The following ZNF827 variants were observed in gnomAD, a reference collection of about 807,000 sequenced individuals.
ZNF827 encodes the protein zinc finger protein 827.
In ZNF827, 13 loss-of-function variants were observed where a neutral mutation model predicts 102.4. That is an observed-to-expected ratio of 0.13 (90% CI 0.08 to 0.20). ZNF827 has a LOEUF of 0.20. ZNF827 is among the 10% of genes least tolerant of loss of function. The pLI is 1.00. For synonymous variants in ZNF827, 523 were observed against 536.2 expected (o/e 0.98, Z 0.34); for missense variants, 1,103 against 1,344.4 (o/e 0.82, Z 2.81).
intron 8 of ZNF827, among the ~76,000 whole-genome samples, chr4:145,788,062 G>C (rs939836659): frequency 2.0e-5 from 3 of 152,186 alleles, no homozygotes; most frequent in African/African-American, 7.2e-5. Context: ...AGCAGAGACA[G>C]ACCCACAGTC....
chr4:145,897,534 T>C (rs1370850791), intron 2 of ZNF827, among the ~76,000 whole-genome samples: 1 of 152,242 alleles, frequency 6.6e-6, no homozygotes, highest in East Asian at 1.9e-4. Context: ...GATGACGACC[T>C]ATCTTCCTTC....
chr4:145,802,183 C>T (rs1307225477), intron 8 of ZNF827, among the ~76,000 whole-genome samples: 1 of 152,158 alleles, frequency 6.6e-6, no homozygotes, highest in Non-Finnish European at 1.5e-5. Context: ...CTCTTTCCTC[C>T]CACTTAAATT....
intron 4 of ZNF827, among the ~76,000 whole-genome samples, chr4:145,883,537 T>C (rs1749855429): frequency 6.6e-6 from 1 of 152,192 alleles, no homozygotes; most frequent in Non-Finnish European, 1.5e-5. Flanking sequence ...CTCCCTGAGA[T>C]TGGGTCTAGA....
At chr4:145,812,965 A>T (rs886568096) in intron 8 of ZNF827, among the ~76,000 whole-genome samples, 1 of 152,168 alleles carries the variant, frequency 6.6e-6, no homozygotes, top group African/African-American at 2.4e-5. Flanking sequence ...ACAAATAAAC[A>T]TTTCATAAGT....
At chr4:145,798,053 C>T (rs1008247246) in intron 8 of ZNF827, among the ~76,000 whole-genome samples, 5 of 152,140 alleles carry the variant, frequency 3.3e-5, no homozygotes, top group African/African-American at 1.2e-4. Context: ...GTTGTGAGGA[C>T]CAAAGGGACT....
At chr4:145,908,507 A>C (rs1318546097) in intron 1 of ZNF827, among the ~76,000 whole-genome samples, 2 of 152,128 alleles carry the variant, frequency 1.3e-5, no homozygotes, top group African/African-American at 2.4e-5. Context: ...CTACTAATAC[A>C]CTTCTATAGC....
chr4:145,906,360 T>A (rs559517357), intron 1 of ZNF827, among the ~76,000 whole-genome samples: 1 of 152,240 alleles, frequency 6.6e-6, no homozygotes, highest in Non-Finnish European at 1.5e-5. Flanking sequence ...TTGAGATAAA[T>A]CATTAAGAGG....
chr4:145,901,228 T>A (rs1473692519), intron 2 of ZNF827, among the ~76,000 whole-genome samples: 1 of 152,202 alleles, frequency 6.6e-6, no homozygotes. Context: ...CCGATGAGGA[T>A]GCACATAGCC....
chr4:145,762,308 C>T lies in ZNF827; in HGVS notation c.*18-710G>A, dbSNP rs540093279. Among the ~76,000 whole-genome samples, 2 of 152,224 alleles carry T rather than the reference C, an allele frequency of 1.3e-5. No individual in the cohort carries two copies. Among genetic ancestry groups the T allele is most frequent in the South Asian group, 2.1e-4 (1 of 4,820 alleles). ...GGCATGGGAGGAGAAGGAAGCCCAC[C>T]CAACGGCCCATCTGCTAATGAGGAA... On this transcript the variant is annotated intron_variant, in intron 14 of 14. Transcript: ENST00000508784. This position sits in a 1 kb window ranked among gnomAD's most constrained non-coding sequence, Gnocchi z 4.9.
At chr4:145,937,278 C>A (rs1277020895) in intron 1 of ZNF827, among the ~76,000 whole-genome samples, 2 of 151,796 alleles carry the variant, frequency 1.3e-5, no homozygotes, top group East Asian at 3.9e-4. Flanking sequence ...GTGTGTGTCT[C>A]CAGTTGGCGT....
At chr4:145,804,652 C>T (rs1007659339) in intron 8 of ZNF827, among the ~76,000 whole-genome samples, 2 of 152,172 alleles carry the variant, frequency 1.3e-5, no homozygotes, top group African/African-American at 4.8e-5. Flanking sequence ...TCATCTTGAA[C>T]CTGAACCCTT....
At chr4:145,854,949 G>C (rs1746916446) in intron 5 of ZNF827, among the ~76,000 whole-genome samples, 1 of 152,146 alleles carries the variant, frequency 6.6e-6, no homozygotes. Flanking sequence ...CTTAGTTCTT[G>C]TTCATCTTTC....
At chr4:145,842,560 A>T (rs1745522553) in intron 7 of ZNF827, among the ~76,000 whole-genome samples, 1 of 152,150 alleles carries the variant, frequency 6.6e-6, no homozygotes, top group Non-Finnish European at 1.5e-5. Context: ...TTGTGAGGGA[A>T]GCTGTGGGTT....
chr4:145,926,671 TTTAA>T (rs1416727935), intron 1 of ZNF827, among the ~76,000 whole-genome samples: 3 of 152,146 alleles, frequency 2.0e-5, no homozygotes, highest in Non-Finnish European at 2.9e-5. Context: ...ATCGCATGAG[TTTAA>T]TTATTTATAC....
intron 7 of ZNF827, among the ~76,000 whole-genome samples, chr4:145,835,491 C>T (rs1744730611): frequency 2.0e-5 from 3 of 150,638 alleles, no homozygotes; most frequent in African/African-American, 7.4e-5. Flanking sequence ...TCCCCACCTG[C>T]CCAGTTCCCT....
chr4:145,872,941 TTTTC>T (rs1456790251), intron 4 of ZNF827, among the ~76,000 whole-genome samples: 2 of 144,508 alleles, frequency 1.4e-5, no homozygotes, highest in Non-Finnish European at 1.5e-5. Flanking sequence ...TTTTTTTTTC[TTTTC>T]TTTTTTTTTT....
chr4:145,779,251 T>C, intron 9 of ZNF827, 123 bp downstream of exon 9: 2 of 1,317,598 alleles, frequency 1.5e-6, no homozygotes, highest in African/African-American at 1.5e-5. Context: ...GAAAATGGCT[T>C]GAAAAGGTCA....
In ZNF827 at chr4:145,762,964, C is replaced by T. The variant is rs1560884320; in HGVS notation, c.*17+126G>A. The T allele has an allele frequency of 2.2e-6, 2 of 895,950 alleles. No homozygotes were observed. Among genetic ancestry groups the T allele is most frequent in the South Asian group, 1.7e-5 (1 of 59,966 alleles). The allele number at this position is 895,950 out of a possible 1,614,324, so 55.5% of individuals were successfully genotyped here. On this transcript the variant is annotated intron_variant, in intron 14 of 14. Coordinates refer to ENST00000508784, the MANE Select transcript of ZNF827 (RefSeq NM_001306215.2). This position sits in a 1 kb window ranked among gnomAD's most constrained non-coding sequence, Gnocchi z 4.9. Reference sequence around the variant, plus strand: ...CACAACCAAGTGCACCGTGCACGGCCTCCTCAGCGCCAAGCTCGCCGTTAG... The same window carrying T: ...CACAACCAAGTGCACCGTGCACGGCTTCCTCAGCGCCAAGCTCGCCGTTAG...
At chr4:145,809,362 C>T (rs1741795144) in intron 8 of ZNF827, among the ~76,000 whole-genome samples, 1 of 152,174 alleles carries the variant, frequency 6.6e-6, no homozygotes. Flanking sequence ...AGACTGGCTG[C>T]CTTTGCTTTT....
Sources: allele counts gnomAD v4.1 joint callset (sites outside exome capture counted in the v4.1 genomes callset), GRCh38; gene constraint gnomAD v4.1.1; non-coding constraint Gnocchi (gnomAD v3.1); transcripts MANE v1.5; gene names NCBI Gene and HGNC (gene_info 2026-07-23, HGNC 2026-07-21).